The following ERC2 variants were observed in gnomAD, a reference collection of about 807,000 sequenced individuals.
ERC2 encodes the protein ELKS/RAB6-interacting/CAST family member 2.
In ERC2, 42 loss-of-function variants were observed where a neutral mutation model predicts 114.8. The observed-to-expected ratio is 0.37, with a 90% CI of 0.29 to 0.47. The LOEUF is 0.47. Ranked by LOEUF, ERC2 falls within the 20% of genes least tolerant of loss-of-function variation. The probability of loss-of-function intolerance (pLI) is 0.99; values close to 1 mark genes in which losing one functional copy is unlikely to be tolerated. For missense variants in ERC2, 939 were observed against 1,150.7 expected (o/e 0.82, Z 2.66); for synonymous variants, 454 against 425.5 (o/e 1.07, Z -0.82).
intron 7 of ERC2, among the ~76,000 whole-genome samples, chr3:56,059,323 T>G (rs1044936070): frequency 1.3e-5 from 2 of 152,044 alleles, no homozygotes; most frequent in Admixed American, 6.5e-5. Flanking sequence ...TCTCTTGACC[T>G]CGTGATCTGC....
At chr3:55,511,842 G>A (rs776684017) in intron 17 of ERC2, among the ~76,000 whole-genome samples, 1 of 152,224 alleles carries the variant, frequency 6.6e-6, no homozygotes, top group African/African-American at 2.4e-5. Flanking sequence ...CACTGTCCCA[G>A]TGAGGGGCCC....
intron 3 of ERC2, among the ~76,000 whole-genome samples, chr3:56,270,937 T>G (rs189057137): frequency 2.2e-4 from 34 of 152,152 alleles, no homozygotes; most frequent in African/African-American, 7.9e-4. Flanking sequence ...AGCCGAGATT[T>G]CGCCACTGCA....
At chr3:56,456,473 G>T (rs1163837485) in intron 1 of ERC2, among the ~76,000 whole-genome samples, 1 of 152,162 alleles carries the variant, frequency 6.6e-6, no homozygotes, top group East Asian at 1.9e-4. Context: ...GGGAAGCTCT[G>T]TTCCCCAAAA....
At chr3:56,125,542 CA>C (rs2079820007) in intron 6 of ERC2, among the ~76,000 whole-genome samples, 1 of 152,114 alleles carries the variant, frequency 6.6e-6, no homozygotes, top group Non-Finnish European at 1.5e-5. Flanking sequence ...CTGCCAGCTG[CA>C]AAGTCTTACA....
At chr3:55,518,781 G>A (rs191723213) in intron 17 of ERC2, among the ~76,000 whole-genome samples, 40 of 152,288 alleles carry the variant, frequency 2.6e-4, no homozygotes, top group East Asian at 1.5e-3. Context: ...TATATAAATC[G>A]CTGACAGAAT....
At chr3:55,609,590 G>A (rs2058797878) in intron 17 of ERC2, among the ~76,000 whole-genome samples, 1 of 152,096 alleles carries the variant, frequency 6.6e-6, no homozygotes, top group Non-Finnish European at 1.5e-5. Flanking sequence ...CGAGTTACAG[G>A]GGTTATTCAA....
At chr3:56,204,614 T>G (rs2048604780) in intron 3 of ERC2, among the ~76,000 whole-genome samples, 1 of 151,920 alleles carries the variant, frequency 6.6e-6, no homozygotes, top group South Asian at 2.1e-4. Flanking sequence ...GTGATTCTCC[T>G]ACCTCAGCCT....
chr3:55,542,968 G>T (rs1455259517), intron 17 of ERC2, among the ~76,000 whole-genome samples: 2 of 152,188 alleles, frequency 1.3e-5, no homozygotes, highest in Non-Finnish European at 2.9e-5. Flanking sequence ...CCTCTGCAGG[G>T]ATTCCTCCTG....
intron 3 of ERC2, among the ~76,000 whole-genome samples, chr3:56,279,801 T>C (rs1288020675): frequency 1.3e-5 from 2 of 151,852 alleles, no homozygotes; most frequent in Admixed American, 1.3e-4. Flanking sequence ...GTAAGAGCAA[T>C]GGAAATGAAA....
At chr3:55,852,533 A>AAT (rs2061617946) in intron 14 of ERC2, 1 of 145,946 alleles carries the variant, frequency 6.9e-6, no homozygotes, top group Non-Finnish European at 1.5e-5. Context: ...TCTACAAGGG[A>AAT]ATTTTTTAAA....
At chr3:55,558,695 T>C (rs1418366367) in intron 17 of ERC2, among the ~76,000 whole-genome samples, 2 of 152,236 alleles carry the variant, frequency 1.3e-5, no homozygotes, top group Non-Finnish European at 2.9e-5. Context: ...TTTTAAATAA[T>C]ATTATGCTTT....
intron 17 of ERC2, among the ~76,000 whole-genome samples, chr3:55,674,981 T>C (rs1466955385): frequency 6.6e-6 from 1 of 152,080 alleles, no homozygotes; most frequent in East Asian, 1.9e-4. Flanking sequence ...AGCATCTCAG[T>C]GATTTTGTCA....
At chr3:56,416,936 C>T (rs1402626715) in intron 2 of ERC2, among the ~76,000 whole-genome samples, 1 of 152,188 alleles carries the variant, frequency 6.6e-6, no homozygotes, top group Non-Finnish European at 1.5e-5. Flanking sequence ...AGTAGGTAGA[C>T]ATATCTAAAG....
At chr3:56,360,699 G>T (rs2058924489) in intron 2 of ERC2, among the ~76,000 whole-genome samples, 1 of 152,136 alleles carries the variant, frequency 6.6e-6, no homozygotes. Context: ...TTTGAGGTCA[G>T]GAGTTCAAGA....
chr3:56,431,717 C>G (rs558272145), intron 2 of ERC2, among the ~76,000 whole-genome samples: 1 of 152,226 alleles, frequency 6.6e-6, no homozygotes, highest in East Asian at 1.9e-4. Context: ...ATATTTTTTA[C>G]TTTGTAAGAC....
chr3:55,524,279 C>T (rs1008284499), intron 17 of ERC2, among the ~76,000 whole-genome samples: 7 of 152,124 alleles, frequency 4.6e-5, no homozygotes, highest in Non-Finnish European at 8.8e-5. Flanking sequence ...TATGTATGGG[C>T]TTGGTCATCT....
chr3:55,834,504 A>T (rs139400930), intron 14 of ERC2, among the ~76,000 whole-genome samples: 9,055 of 152,120 alleles, frequency 0.06, 327 homozygotes, highest in South Asian at 0.16. Flanking sequence ...CTGCTCCTGA[A>T]TGACTACTGG....
intron 2 of ERC2, among the ~76,000 whole-genome samples, chr3:56,425,937 G>A (rs1049352365): frequency 2.6e-5 from 4 of 152,278 alleles, no homozygotes; most frequent in East Asian, 3.9e-4. Flanking sequence ...CAGCTCACAC[G>A]TCTCTGGACT....
chr3:56,173,024 T>C (rs1434274596), intron 4 of ERC2, among the ~76,000 whole-genome samples: 2 of 152,238 alleles, frequency 1.3e-5, no homozygotes, highest in Non-Finnish European at 2.9e-5. Context: ...GCTGATAGCA[T>C]TATTTTAATT....
Sources: allele counts gnomAD v4.1 joint callset (sites outside exome capture counted in the v4.1 genomes callset), GRCh38; gene constraint gnomAD v4.1.1; transcripts MANE v1.5; gene names NCBI Gene and HGNC (gene_info 2026-07-23, HGNC 2026-07-21).